Variants in TUSC3 observed in about 807,000 individuals in gnomAD.
TUSC3 encodes the protein dolichyl-diphosphooligosaccharide--protein glycosyltransferase subunit TUSC3.
TUSC3 carries 45 observed loss-of-function variants against 44.8 expected under a neutral mutation model. The observed-to-expected ratio is 1.00, with a 90% CI of 0.79 to 1.29. The LOEUF is 1.29. Among genes scored for constraint, TUSC3 ranks in the 50% most tolerant of loss-of-function variants. The pLI, the probability that TUSC3 is intolerant of heterozygous loss-of-function variation, is 0.00. For missense variants in TUSC3, 519 were observed against 437.9 expected, an observed-to-expected ratio of 1.19 and a Z score of -1.65; for synonymous variants, 212 against 152.9, an observed-to-expected ratio of 1.39 and a Z score of -2.85.
chr8:15,794,297 C>T, the TUSC3 span, among the ~76,000 whole-genome samples: 2 of 152,054 alleles, frequency 1.3e-5, no homozygotes, highest in Non-Finnish European at 2.9e-5. Flanking sequence ...ATAACACAGC[C>T]ACTCTTATTT....
chr8:15,460,323 C>T (rs548363283), intron 1 of TUSC3, among the ~76,000 whole-genome samples: 254 of 152,236 alleles, frequency 1.7e-3, no homozygotes, highest in African/African-American at 5.9e-3. Context: ...ATTTGTTGGC[C>T]ATTTGTAAAT....
chr8:15,726,627 G>T (rs1369115678), intron 6 of TUSC3, among the ~76,000 whole-genome samples: 1 of 152,002 alleles, frequency 6.6e-6, no homozygotes, highest in African/African-American at 2.4e-5. Flanking sequence ...CCAACGTGGT[G>T]AAACCCTATC....
chr8:15,694,180 T>A (rs918670624), intron 6 of TUSC3, among the ~76,000 whole-genome samples: 1 of 152,092 alleles, frequency 6.6e-6, no homozygotes, highest in East Asian at 1.9e-4. Context: ...CAGTGGCTCA[T>A]GCCTGTAATT....
chr8:15,651,679 G>A (rs961877280), intron 3 of TUSC3, among the ~76,000 whole-genome samples: 1 of 152,138 alleles, frequency 6.6e-6, no homozygotes, highest in Non-Finnish European at 1.5e-5. Context: ...CTTCCTCTTG[G>A]ACTTTGAGTC....
chr8:15,663,642 G>A (rs899575155), intron 5 of TUSC3, among the ~76,000 whole-genome samples: 1 of 151,844 alleles, frequency 6.6e-6, no homozygotes. Flanking sequence ...GAGCAAGGAA[G>A]ATAAGATTTT....
intron 2 of TUSC3, among the ~76,000 whole-genome samples, chr8:15,488,847 A>G (rs1034929211): frequency 1.3e-5 from 2 of 152,224 alleles, no homozygotes; most frequent in African/African-American, 4.8e-5. Context: ...TGTTAGTTGC[A>G]TAAGCCACTC....
At chr8:15,641,048 G>A (rs1806342530) in intron 2 of TUSC3, among the ~76,000 whole-genome samples, 2 of 152,132 alleles carry the variant, frequency 1.3e-5, no homozygotes, top group Non-Finnish European at 2.9e-5. Context: ...TGTGCCATGT[G>A]TGCTCTGTAG....
At chr8:15,815,312 C>T in the TUSC3 span, among the ~76,000 whole-genome samples, 3 of 152,078 alleles carry the variant, frequency 2.0e-5, no homozygotes, top group African/African-American at 7.2e-5. Flanking sequence ...ATGGAAGGTT[C>T]TTGGGGGGCA....
chr8:15,806,928 T>C, the TUSC3 span: 2 of 1,432,812 alleles, frequency 1.4e-6, no homozygotes, highest in Non-Finnish European at 2.0e-6. Context: ...ATCTGCACCA[T>C]GTTTCTTCTC....
the TUSC3 span, among the ~76,000 whole-genome samples, chr8:15,781,454 G>C: frequency 6.6e-6 from 1 of 152,108 alleles, no homozygotes; most frequent in Non-Finnish European, 1.5e-5. Context: ...CTGTCAAAAG[G>C]TAAAGAGGGA....
chr8:15,836,129 T>C, the TUSC3 span, among the ~76,000 whole-genome samples: 1 of 147,582 alleles, frequency 6.8e-6, no homozygotes, highest in African/African-American at 2.5e-5. Context: ...TATTGTTTAA[T>C]TTCATTATAA....
chr8:15,767,672 T>C (rs1037019764), downstream of TUSC3, among the ~76,000 whole-genome samples: 1 of 152,144 alleles, frequency 6.6e-6, no homozygotes, highest in East Asian at 1.9e-4. Context: ...GGGAGCAGAA[T>C]AGACCTCATT....
chr8:15,613,878 G>T (rs1804870773), intron 1 of TUSC3, among the ~76,000 whole-genome samples: 1 of 152,058 alleles, frequency 6.6e-6, no homozygotes, highest in South Asian at 2.1e-4. Context: ...ATTTTCTTCA[G>T]AAGACCAAAA....
chr8:15,766,231 T>A lies in TUSC3; in HGVS notation c.*2075T>A, dbSNP rs1042840569. On this transcript the variant is annotated 3_prime_UTR_variant, in exon 11 of 11. Coordinates refer to ENST00000503731, the MANE Select transcript of TUSC3 (RefSeq NM_006765.4). ...ACAACTGTTACATTAGGGAAGTGAT[T>A]CTAGAGCAAAATATACTGCCTCAAC... 1.3e-5 allele frequency: 2 copies of A among 152,106 alleles called. No homozygotes were observed. Among genetic ancestry groups the A allele is most frequent in the African/African-American group, 2.4e-5 (1 of 41,416 alleles). The allele number at this position is 152,106 out of a possible 1,614,324, so 9.4% of individuals were successfully genotyped here. A position where few individuals can be genotyped will look rare whatever the true frequency, so the allele number is the denominator to read the frequency against.
intron 1 of TUSC3, among the ~76,000 whole-genome samples, chr8:15,417,756 T>A (rs1799677124): frequency 1.3e-5 from 2 of 152,222 alleles, no homozygotes. Context: ...ATTCTGTGGC[T>A]AGCCAGCTGT....
intron 7 of TUSC3, among the ~76,000 whole-genome samples, chr8:15,732,079 A>G (rs1810746785): frequency 6.6e-6 from 1 of 152,218 alleles, no homozygotes; most frequent in South Asian, 2.1e-4. Flanking sequence ...TAAGCATCCA[A>G]TAATCACAAA....
At chr8:15,460,029 T>A (rs915499876) in intron 1 of TUSC3, among the ~76,000 whole-genome samples, 4 of 152,182 alleles carry the variant, frequency 2.6e-5, no homozygotes, top group Non-Finnish European at 5.9e-5. Flanking sequence ...ATGTAATAAC[T>A]TATTTTCCTC....
intron 1 of TUSC3, among the ~76,000 whole-genome samples, chr8:15,449,490 C>T (rs1360449916): frequency 2.0e-5 from 3 of 152,154 alleles, no homozygotes; most frequent in African/African-American, 7.2e-5. Flanking sequence ...CAGATACTGC[C>T]TCAAGTTAGC....
At chr8:15,596,234 C>T (rs1804060332) in intron 1 of TUSC3, among the ~76,000 whole-genome samples, 1 of 152,024 alleles carries the variant, frequency 6.6e-6, no homozygotes, top group Admixed American at 6.6e-5. Flanking sequence ...TAAAAGTTTA[C>T]TTTATTTGAA....
Sources: allele counts gnomAD v4.1 joint callset (sites outside exome capture counted in the v4.1 genomes callset), GRCh38; gene constraint gnomAD v4.1.1; transcripts MANE v1.5; gene names NCBI Gene and HGNC (gene_info 2026-07-23, HGNC 2026-07-21).